Variants in SH3PXD2B observed in about 807,000 individuals in gnomAD.
SH3PXD2B encodes the protein SH3 and PX domain-containing protein 2B.
In SH3PXD2B, 37 loss-of-function variants were observed where a neutral mutation model predicts 73.1. That is an observed-to-expected ratio of 0.51 (90% CI 0.39 to 0.67). The LOEUF (loss-of-function observed/expected upper bound fraction) is 0.67, where lower values mean the gene tolerates loss of function less well. Among genes scored for constraint, SH3PXD2B ranks in the 30% least tolerant of loss-of-function variants. The probability of loss-of-function intolerance (pLI) is 0.00; values close to 1 mark genes in which losing one functional copy is unlikely to be tolerated. For missense variants in SH3PXD2B, 1,053 were observed against 1,197.8 expected, an observed-to-expected ratio of 0.88 and a Z score of 1.78; for synonymous variants, 457 against 480.5, an observed-to-expected ratio of 0.95 and a Z score of 0.64.
chr5:172,412,932 C>T (rs1758735418), intron 2 of SH3PXD2B, among the ~76,000 whole-genome samples: 1 of 152,234 alleles, frequency 6.6e-6, no homozygotes, highest in Non-Finnish European at 1.5e-5. Context: ...TGCCACATCA[C>T]AGGCTTCCAA....
intron 12 of SH3PXD2B, among the ~76,000 whole-genome samples, chr5:172,345,352 A>G (rs60543985): frequency 0.011 from 1,676 of 152,282 alleles, 25 homozygotes; most frequent in African/African-American, 0.038. Context: ...CAGCCGCCAC[A>G]CACAACCATA....
In SH3PXD2B at chr5:172,369,491, C is replaced by T. The variant is rs192423758; in HGVS notation, c.427+4299G>A. Among the ~76,000 whole-genome samples, 458 of 152,188 alleles carry T rather than the reference C, an allele frequency of 3.0e-3. 2 individuals carry two copies. Among genetic ancestry groups the T allele is most frequent in the Non-Finnish European group, 4.9e-3 (332 of 68,010 alleles). ...GGAACAGTTTAAAACTCAGCTTTGC[C>T]GGGCGCAGTGGCTCACGCCTGTAAT... On this transcript the variant is annotated intron_variant, in intron 6 of 12. Transcript: ENST00000311601.
At chr5:172,433,669 G>T (rs1759304721) in intron 1 of SH3PXD2B, among the ~76,000 whole-genome samples, 1 of 152,156 alleles carries the variant, frequency 6.6e-6, no homozygotes, top group African/African-American at 2.4e-5. Flanking sequence ...TCACCGGCCG[G>T]GAAGCCAGCA....
At chr5:172,419,423 T>C (rs1758905666) in intron 2 of SH3PXD2B, among the ~76,000 whole-genome samples, 1 of 152,066 alleles carries the variant, frequency 6.6e-6, no homozygotes, top group Non-Finnish European at 1.5e-5. Flanking sequence ...CCAGGGCCCT[T>C]AGGACAATCA....
chr5:172,359,836 T>C (rs193070905), intron 7 of SH3PXD2B, among the ~76,000 whole-genome samples: 18 of 152,300 alleles, frequency 1.2e-4, no homozygotes, highest in African/African-American at 4.3e-4. Context: ...ATTCTCTGGG[T>C]GGGCCTAATG....
intron 4 of SH3PXD2B, among the ~76,000 whole-genome samples, chr5:172,386,819 G>C (rs986139688): frequency 2.6e-5 from 4 of 152,078 alleles, no homozygotes; most frequent in African/African-American, 4.8e-5. Context: ...GTAGAAACAG[G>C]GTTTCACCAC....
At chr5:172,418,375 G>A (rs1278743874) in intron 2 of SH3PXD2B, among the ~76,000 whole-genome samples, 1 of 152,228 alleles carries the variant, frequency 6.6e-6, no homozygotes, top group Non-Finnish European at 1.5e-5. Flanking sequence ...TGTGCCCAAG[G>A]CCACACAGCT....
intron 1 of SH3PXD2B, among the ~76,000 whole-genome samples, chr5:172,451,748 C>A (rs1274273858): frequency 6.6e-6 from 1 of 152,218 alleles, no homozygotes; most frequent in African/African-American, 2.4e-5. Flanking sequence ...TGCCTTCATG[C>A]CCGCTCTTTC....
intron 5 of SH3PXD2B, among the ~76,000 whole-genome samples, 156 bp downstream of exon 5, chr5:172,381,880 T>C (rs1396074670): frequency 6.6e-6 from 1 of 152,122 alleles, no homozygotes; most frequent in East Asian, 1.9e-4. Context: ...CGCTACCCAC[T>C]TACAGCAACT....
chr5:172,373,703 T>G, intron 6 of SH3PXD2B, 87 bp downstream of exon 6: 1 of 1,446,312 alleles, frequency 6.9e-7, no homozygotes, highest in Non-Finnish European at 9.5e-7. Flanking sequence ...ATCCTCAGCA[T>G]GGAACCCAGA....
At chr5:172,439,684 ACGCGCG>A (rs1183752755) in intron 1 of SH3PXD2B, among the ~76,000 whole-genome samples, 5 of 103,252 alleles carry the variant, frequency 4.8e-5, no homozygotes, top group South Asian at 3.8e-4. Flanking sequence ...GCGTGCGCGC[ACGCGCG>A]CGCACACACA....
rs767448840 is a variant in SH3PXD2B at position 172,382,142 on chromosome 5, C to T, written c.310-15G>A. 2.1e-5 allele frequency: 34 copies of T among 1,593,806 alleles called. No individual in the cohort carries two copies. Among genetic ancestry groups the T allele is most frequent in the Non-Finnish European group, 2.5e-5 (29 of 1,169,904 alleles). On this transcript the variant is annotated splice_polypyrimidine_tract_variant and intron_variant, in intron 4 of 12. Transcript: ENST00000311601. ...TGGATGAGGGCCTGGAGAAGAGAGA[C>T]GCAGGTGAGTGCAAAGGAGGAGAGG...
intron 7 of SH3PXD2B, among the ~76,000 whole-genome samples, chr5:172,360,194 A>G (rs749972978): frequency 2.0e-5 from 3 of 152,214 alleles, no homozygotes; most frequent in Non-Finnish European, 4.4e-5. Flanking sequence ...AAATATTTGT[A>G]TGAAGATAAG....
At chr5:172,417,109 T>G (rs887531926) in intron 2 of SH3PXD2B, among the ~76,000 whole-genome samples, 10 of 152,178 alleles carry the variant, frequency 6.6e-5, no homozygotes, top group African/African-American at 2.4e-4. Flanking sequence ...CTGCCCCCGT[T>G]GGAGGGGGCA....
rs1756735441 is a variant in SH3PXD2B at position 172,337,650 on chromosome 5, C to A, written c.*719G>T. On this transcript the variant is annotated 3_prime_UTR_variant, in exon 13 of 13. Transcript: ENST00000311601. ...AAAGCCCTGGAGGGACCGGAGCCTG[C>A]AGCAGCAAAGCGCAGCATACGCGGG... 1 of 986,330 alleles carries A rather than the reference C, an allele frequency of 1.0e-6. No individual in the cohort carries two copies. Among genetic ancestry groups the A allele is most frequent in the Non-Finnish European group, 1.2e-6 (1 of 830,616 alleles). 61.1% of individuals were successfully genotyped at this position (986,330 alleles called of 1,614,324 possible).
At chr5:172,387,130 G>C (rs2731724) in intron 4 of SH3PXD2B, among the ~76,000 whole-genome samples, 55,901 of 152,038 alleles carry the variant, frequency 0.37, 10,739 homozygotes, top group East Asian at 0.68. Context: ...AGTGACTGGA[G>C]CCTGGTAAAT....
chr5:172,346,834 T>TAA (rs113974264), intron 11 of SH3PXD2B, among the ~76,000 whole-genome samples: 1 of 150,434 alleles, frequency 6.6e-6, no homozygotes, highest in South Asian at 2.1e-4. Flanking sequence ...TGCAAACAAA[T>TAA]AAAAAAAACC....
chr5:172,440,794 C>A (rs1759537133), intron 1 of SH3PXD2B, among the ~76,000 whole-genome samples: 1 of 152,160 alleles, frequency 6.6e-6, no homozygotes, highest in Non-Finnish European at 1.5e-5. Context: ...GCGACAGACT[C>A]TGAACTGGAC....
At chr5:172,355,402 T>C (rs1484931860) in intron 8 of SH3PXD2B, among the ~76,000 whole-genome samples, 1 of 152,076 alleles carries the variant, frequency 6.6e-6, no homozygotes, top group Non-Finnish European at 1.5e-5. Flanking sequence ...GAGGGAAGAA[T>C]CCAACCCCAG....
Sources: allele counts gnomAD v4.1 joint callset (sites outside exome capture counted in the v4.1 genomes callset), GRCh38; gene constraint gnomAD v4.1.1; transcripts MANE v1.5; gene names NCBI Gene and HGNC (gene_info 2026-07-23, HGNC 2026-07-21).